Variants in SLC6A6 observed in about 807,000 individuals in gnomAD.
SLC6A6 encodes sodium- and chloride-dependent taurine transporter.
A neutral mutation model predicts 68.8 loss-of-function variants in SLC6A6; 16 were observed. The observed-to-expected ratio is 0.23, with a 90% CI of 0.16 to 0.35. The LOEUF (loss-of-function observed/expected upper bound fraction) is 0.35. SLC6A6 is among the 10% of genes least tolerant of loss of function. The pLI is 1.00. For synonymous variants in SLC6A6, 312 were observed against 315.4 expected (o/e 0.99, Z 0.12); for missense variants, 474 against 802.8 (o/e 0.59, Z 4.95).
chr3:14,423,194 CA>C (rs1239697694), intron 2 of SLC6A6, among the ~76,000 whole-genome samples: 1 of 152,208 alleles, frequency 6.6e-6, no homozygotes. Context: ...AGCCAGCAGG[CA>C]AGAGGTGTCT....
At chr3:14,415,957 T>C (rs1247742984) in intron 1 of SLC6A6, among the ~76,000 whole-genome samples, 1 of 152,186 alleles carries the variant, frequency 6.6e-6, no homozygotes, top group African/African-American at 2.4e-5. Flanking sequence ...TTTCTGTGGC[T>C]AGGGCTGTGG....
At chr3:14,405,522 G>T (rs1267860104) in intron 1 of SLC6A6, among the ~76,000 whole-genome samples, 1 of 152,214 alleles carries the variant, frequency 6.6e-6, no homozygotes, top group African/African-American at 2.4e-5. Context: ...AGCCAGAGGG[G>T]GTCTGCCTGG....
In SLC6A6 at chr3:14,477,958, C is replaced by T. The variant is rs1483099280; in HGVS notation, c.1348-508C>T. 2.0e-5 allele frequency among the ~76,000 whole-genome samples: 3 copies of T among 152,124 alleles called. No individual in the cohort carries two copies. The highest frequency in any genetic ancestry group is 7.2e-5 in the African/African-American group (3 of 41,414). ...ATAAAGATTGTACTAAGAATGGAAGCCTAGCATCAAAGCCAGGGCACGCTC... is the reference window on the plus strand; with the variant it reads ...ATAAAGATTGTACTAAGAATGGAAGTCTAGCATCAAAGCCAGGGCACGCTC... On this transcript the variant is annotated intron_variant, in intron 11 of 14. Coordinates refer to ENST00000622186, the MANE Select transcript of SLC6A6 (RefSeq NM_003043.6). The surrounding 1 kb of genome is among the most constrained non-coding windows in gnomAD (Gnocchi z 4.2).
At position 14,445,894 on chromosome 3, in the gene SLC6A6, G is replaced by T. The variant is rs1294151969; in HGVS notation, c.364+43G>T. The T allele has an allele frequency of 1.9e-6, 3 of 1,605,088 alleles. No homozygotes were observed. The South Asian group carries it at 3.3e-5, about 18-fold the overall frequency. On this transcript the variant is annotated intron_variant, in intron 4 of 14. Transcript: ENST00000622186. ...GTCACTTGGGGCCTGGCACTCATCA[G>T]TTCCACACATTTTTATTGAGCACCT...
chr3:14,417,271 C>T (rs1467607381), intron 2 of SLC6A6, among the ~76,000 whole-genome samples: 5 of 152,222 alleles, frequency 3.3e-5, no homozygotes, highest in Admixed American at 1.3e-4. Context: ...TTATGCCCTT[C>T]GTTGAGATTT....
At chr3:14,448,757 G>A (rs1700189686) in intron 5 of SLC6A6, among the ~76,000 whole-genome samples, 1 of 152,232 alleles carries the variant, frequency 6.6e-6, no homozygotes, top group South Asian at 2.1e-4. Flanking sequence ...GGTGGGATGT[G>A]GAGTCCTGAT....
chr3:14,441,477 GCAGA>G (rs536141196), intron 2 of SLC6A6, among the ~76,000 whole-genome samples: 71 of 152,312 alleles, frequency 4.7e-4, no homozygotes, highest in African/African-American at 1.6e-3. Context: ...GGATGCTCTG[GCAGA>G]CAGAGGAAGG....
At chr3:14,454,543 G>A (rs1700327351) in intron 5 of SLC6A6, among the ~76,000 whole-genome samples, 2 of 152,130 alleles carry the variant, frequency 1.3e-5, no homozygotes, top group Admixed American at 1.3e-4. Context: ...ATGGCTGCCC[G>A]AGATGTCTTT....
chr3:14,480,886 T>C (rs987193169), intron 13 of SLC6A6, among the ~76,000 whole-genome samples: 1 of 152,202 alleles, frequency 6.6e-6, no homozygotes, highest in Admixed American at 6.5e-5. Flanking sequence ...CATTCATGCA[T>C]GCTGATGGCC....
intron 1 of SLC6A6, among the ~76,000 whole-genome samples, chr3:14,407,917 G>A (rs1328066291): frequency 6.6e-6 from 1 of 151,846 alleles, no homozygotes; most frequent in Non-Finnish European, 1.5e-5. Context: ...CACATTGCTG[G>A]GATCCATCTG....
rs1553583373 is a variant in SLC6A6, at chr3:14,485,159, C to CGTGCGTGT, written c.*155_*156insCGTGTGTG. ...ATGTAATTGTGGGTATGTGTGCGTG[C>CGTGCGTGT]GTGTGTGTGTGTGTGTGTATCGTGT... is the stretch of plus-strand genomic sequence containing the variant. On this transcript the variant is annotated 3_prime_UTR_variant, in exon 15 of 15. Transcript: ENST00000622186. 8.6e-6 allele frequency: 4 copies of CGTGCGTGT among 463,144 alleles called. No homozygotes were observed. Among genetic ancestry groups the CGTGCGTGT allele is most frequent in the Non-Finnish European group, 1.5e-5 (4 of 269,266 alleles). 28.7% of individuals were successfully genotyped at this position (463,144 alleles called of 1,614,324 possible).
At chr3:14,440,280 A>T (rs916453951) in intron 2 of SLC6A6, among the ~76,000 whole-genome samples, 5 of 152,178 alleles carry the variant, frequency 3.3e-5, no homozygotes, top group African/African-American at 1.2e-4. Flanking sequence ...GTTGAGGCTT[A>T]TATTCTGGTC....
intron 9 of SLC6A6, among the ~76,000 whole-genome samples, chr3:14,469,520 G>A (rs1403064984): frequency 1.3e-5 from 2 of 152,202 alleles, no homozygotes; most frequent in East Asian, 1.9e-4. Flanking sequence ...CTTCTCAGAT[G>A]AGGAGACCAG....
Position 14,477,083 on chromosome 3 carries a change from TG to T in SLC6A6, c.1210-120del. The T allele has an allele frequency of 1.1e-6, 1 of 923,616 alleles. No homozygotes were observed. Among genetic ancestry groups the T allele is most frequent in the Non-Finnish European group, 1.7e-6 (1 of 595,320 alleles). The allele number at this position is 923,616 out of a possible 1,614,324, so 57.2% of individuals were successfully genotyped here. A position where few individuals can be genotyped will look rare whatever the true frequency, so the allele number is the denominator to read the frequency against. ...TGGACTTGATCTCACAGGCCAATTC[TG>T]GACACAAGGATGGTCACGTCTGCTC... On this transcript the variant is annotated intron_variant, in intron 10 of 14. Coordinates refer to ENST00000622186, the MANE Select transcript of SLC6A6 (RefSeq NM_003043.6). This position sits in a 1 kb window ranked among gnomAD's most constrained non-coding sequence, Gnocchi z 4.2.
intron 14 of SLC6A6, among the ~76,000 whole-genome samples, chr3:14,484,655 C>T (rs1701095574): frequency 6.6e-6 from 1 of 152,230 alleles, no homozygotes; most frequent in Non-Finnish European, 1.5e-5. Context: ...AACAGGAATT[C>T]CGCCTTGAGT....
intron 2 of SLC6A6, among the ~76,000 whole-genome samples, chr3:14,424,779 T>G (rs191898040): frequency 9.2e-5 from 14 of 152,182 alleles, no homozygotes; most frequent in Non-Finnish European, 1.8e-4. Context: ...GCCACAAGTC[T>G]CCAGAGGAAA....
At chr3:14,444,886 T>C (rs1362647072) in intron 3 of SLC6A6, 1 of 453,912 alleles carries the variant, frequency 2.2e-6, no homozygotes, top group Non-Finnish European at 4.4e-6. Context: ...CCTGCCCCAA[T>C]GCTTTGCCCC....
At chr3:14,456,255 C>T (rs1224601182) in intron 5 of SLC6A6, among the ~76,000 whole-genome samples, 1 of 152,226 alleles carries the variant, frequency 6.6e-6, no homozygotes, top group Non-Finnish European at 1.5e-5. Flanking sequence ...ATCCCTGGTG[C>T]CAGGGGGAGC....
chr3:14,487,151 G>C lies in SLC6A6; in HGVS notation c.*2144G>C, dbSNP rs780332468. 1.3e-5 allele frequency: 2 copies of C among 152,652 alleles called. No individual in the cohort carries two copies. Among genetic ancestry groups the C allele is most frequent in the African/African-American group, 4.8e-5 (2 of 41,446 alleles). The allele number at this position is 152,652 out of a possible 1,614,324, so 9.5% of individuals were successfully genotyped here. On this transcript the variant is annotated 3_prime_UTR_variant, in exon 15 of 15. Coordinates refer to ENST00000622186, the MANE Select transcript of SLC6A6 (RefSeq NM_003043.6). ...TCATTTCAGTTTCCATCTCCCCAGC[G>C]GGGGCTCCCTGGGTGAAAGGCCACA...
Sources: allele counts gnomAD v4.1 joint callset (sites outside exome capture counted in the v4.1 genomes callset), GRCh38; gene constraint gnomAD v4.1.1; non-coding constraint Gnocchi (gnomAD v3.1); transcripts MANE v1.5; gene names NCBI Gene and HGNC (gene_info 2026-07-23, HGNC 2026-07-21).